The following ZNF860 variants were observed in gnomAD, a reference collection of about 807,000 sequenced individuals.
The protein encoded by ZNF860 is zinc finger protein 860.
For missense variants in ZNF860, 641 were observed against 759.2 expected, an observed-to-expected ratio of 0.84 and a Z score of 1.83; for synonymous variants, 206 against 248.9, an observed-to-expected ratio of 0.83 and a Z score of 1.62.
chr3:31,999,741 C>A, the ZNF860 span, among the ~76,000 whole-genome samples: 1 of 152,096 alleles, frequency 6.6e-6, no homozygotes, highest in African/African-American at 2.4e-5. Flanking sequence ...CTGCTATGCC[C>A]AGATGTCAGG....
At chr3:31,998,619 C>T in the ZNF860 span, among the ~76,000 whole-genome samples, 1 of 152,244 alleles carries the variant, frequency 6.6e-6, no homozygotes, top group Non-Finnish European at 1.5e-5. Flanking sequence ...TTGATGGTTA[C>T]ATACCAAATA....
chr3:31,982,720 T>G (rs1171086285), intron 1 of ZNF860, among the ~76,000 whole-genome samples: 3 of 152,172 alleles, frequency 2.0e-5, no homozygotes, highest in Non-Finnish European at 2.9e-5. Flanking sequence ...AATTCTAACC[T>G]ATGACCTTGA....
chr3:31,984,429 TAG>T (rs1698905168), intron 1 of ZNF860, among the ~76,000 whole-genome samples: 1 of 151,904 alleles, frequency 6.6e-6, no homozygotes, highest in Admixed American at 6.6e-5. Context: ...GATGAAATTA[TAG>T]AGAGTCGAAG....
At chr3:31,982,959 C>G (rs1485411274) in intron 1 of ZNF860, among the ~76,000 whole-genome samples, 1 of 152,170 alleles carries the variant, frequency 6.6e-6, no homozygotes, top group Non-Finnish European at 1.5e-5. Context: ...GCTTTAAGAG[C>G]AGTCATATGG....
chr3:31,993,974 C>A (rs2125525238), downstream of ZNF860, among the ~76,000 whole-genome samples: 1 of 152,220 alleles, frequency 6.6e-6, no homozygotes, highest in South Asian at 2.1e-4. Flanking sequence ...ACCCAAAGAT[C>A]CCTCAACTGG....
In ZNF860 at chr3:31,990,591, T is replaced by A; in HGVS notation, c.1512T>A (p.His504Gln). ...CCCTTGTAATTCATAAGGCAATTCA[T>A]ACTGGAGAGAAACCTTACAAGTGTA... ...NSALVIHKAI[H>Q]TGEKPYKCNE... Residue 504 changes from histidine (H) to glutamine (Q), a missense_variant, in exon 2 of 2, where the codon CAT (histidine) becomes CAA (glutamine). By Grantham distance (24) the His-to-Gln change is conservative. Transcript: ENST00000360311. 6.2e-7 allele frequency: 1 copy of A among 1,613,978 alleles called. No individual in the cohort carries two copies. Among genetic ancestry groups the A allele is most frequent in the Non-Finnish European group, 8.5e-7 (1 of 1,179,972 alleles).
Position 31,990,021 on chromosome 3 carries a change from C to G in ZNF860, c.942C>G (p.Tyr314Ter), listed in dbSNP as rs1175401582. 1 of 1,613,990 alleles carries G rather than the reference C, an allele frequency of 6.2e-7. No individual in the cohort carries two copies. Among genetic ancestry groups the G allele is most frequent in the African/African-American group, 1.3e-5 (1 of 74,914 alleles). The change falls in exon 2 of 2, where the codon TAC (tyrosine) becomes TAG (stop). Residue 314 changes from tyrosine (Y) to a stop codon, truncating the protein, a stop_gained. Transcript: ENST00000360311. LOFTEE classifies it low-confidence loss of function (END_TRUNC). ...GACTTCATACTGGAGAGAAACCTTA[C>G]AAATGTGAAGAATGTGACAAAGTTT... ...HHRLHTGEKP[Y>*]KCEECDKVFS...
At chr3:32,001,104 T>C in the ZNF860 span, among the ~76,000 whole-genome samples, 1 of 152,194 alleles carries the variant, frequency 6.6e-6, no homozygotes, top group African/African-American at 2.4e-5. Flanking sequence ...GGCGCTGTTG[T>C]CTGTCCACTC....
In ZNF860 at chr3:31,990,392, G is replaced by A. The variant is rs578237026; in HGVS notation, c.1313G>A (p.Arg438His). ...CNKCGKFFRRRSYLVVHWRTH... is the reference protein window; with the variant it reads ...CNKCGKFFRRHSYLVVHWRTH... ...AAATGTGGCAAATTTTTTAGACGTC[G>A]TTCATATCTCGTAGTTCATTGGCGA... is the stretch of plus-strand genomic sequence containing the variant. The change falls in exon 2 of 2, where the codon CGT (arginine) becomes CAT (histidine). Residue 438 changes from arginine to histidine, a missense_variant. By Grantham distance (29) the Arg-to-His change is conservative. Coordinates refer to ENST00000360311, the MANE Select transcript of ZNF860 (RefSeq NM_001137674.3). 1.8e-4 allele frequency: 285 copies of A among 1,613,340 alleles called. No homozygotes were observed. The highest frequency in any genetic ancestry group is 2.2e-4 in the Non-Finnish European group (264 of 1,179,702).
chr3:31,996,360 C>CG (rs1282827520), downstream of ZNF860, among the ~76,000 whole-genome samples: 1 of 152,024 alleles, frequency 6.6e-6, no homozygotes, highest in African/African-American at 2.4e-5. Flanking sequence ...AACTCTCCCC[C>CG]CCGTGCAAGG....
chr3:31,990,025 T>A lies in ZNF860; in HGVS notation c.946T>A (p.Cys316Ser). Residue 316 changes from cysteine (C) to serine (S), a missense_variant, in exon 2 of 2, where the codon TGT (cysteine) becomes AGT (serine). Cys to Ser is a moderately radical substitution (Grantham distance 112). Coordinates refer to ENST00000360311, the MANE Select transcript of ZNF860 (RefSeq NM_001137674.3). ...TCATACTGGAGAGAAACCTTACAAATGTGAAGAATGTGACAAAGTTTTTAG... is the reference window on the plus strand; with the variant it reads ...TCATACTGGAGAGAAACCTTACAAAAGTGAAGAATGTGACAAAGTTTTTAG... ...RLHTGEKPYK[C>S]EECDKVFSRK... 1.2e-6 allele frequency: 2 copies of A among 1,614,106 alleles called. No individual in the cohort carries two copies. Among genetic ancestry groups the A allele is most frequent in the Non-Finnish European group, 1.7e-6 (2 of 1,179,996 alleles).
downstream of ZNF860, among the ~76,000 whole-genome samples, chr3:31,994,611 T>C (rs903180351): frequency 1.2e-4 from 19 of 152,190 alleles, no homozygotes; most frequent in Non-Finnish European, 2.5e-4. Context: ...GGTGTGCAGA[T>C]GTCTTTTCTA....
chr3:31,993,258 G>A (rs1161758205), downstream of ZNF860, among the ~76,000 whole-genome samples: 1 of 150,642 alleles, frequency 6.6e-6, no homozygotes, highest in Non-Finnish European at 1.5e-5. Flanking sequence ...TGACCAGGCT[G>A]GAGTGCAATG....
At chr3:31,986,426 A>G (rs1304532554) in intron 1 of ZNF860, 1 of 152,164 alleles carries the variant, frequency 6.6e-6, no homozygotes, top group Non-Finnish European at 1.5e-5. Context: ...ACAGTCCACT[A>G]TCCAGTGAAT....
chr3:31,989,049 A>G lies in ZNF860; in HGVS notation c.-31A>G. 1 of 1,611,700 alleles carries G rather than the reference A, an allele frequency of 6.2e-7. No individual in the cohort carries two copies. The highest frequency in any genetic ancestry group is 8.5e-7 in the Non-Finnish European group (1 of 1,178,580). On this transcript the variant is annotated 5_prime_UTR_variant, in exon 2 of 2. Coordinates refer to ENST00000360311, the MANE Select transcript of ZNF860 (RefSeq NM_001137674.3). ...GAAGCAGATCGCCTCAGTGAAGGTCACACTGCAGCACTATTGATTTCTAAA... is the reference window on the plus strand; with the variant it reads ...GAAGCAGATCGCCTCAGTGAAGGTCGCACTGCAGCACTATTGATTTCTAAA...
intron 1 of ZNF860, among the ~76,000 whole-genome samples, chr3:31,983,798 T>C (rs1175731555): frequency 6.6e-6 from 1 of 152,144 alleles, no homozygotes; most frequent in Admixed American, 6.5e-5. Flanking sequence ...GAGGAAAAAG[T>C]CTTTATGTTT....
In ZNF860 at chr3:31,990,863, AGTGTGATGATT is replaced by A; in HGVS notation, c.1788_1798del (p.Cys596TrpfsTer12). Reference sequence around the variant, plus strand: ...ATTCATATGGGAGAGAAACATCACAAGTGTGATGATTGTGGCAAAGCCTTTACTTCACATTC... The same window carrying A: ...ATTCATATGGGAGAGAAACATCACAAGTGGCAAAGCCTTTACTTCACATTC... On this transcript the variant is annotated frameshift_variant, in exon 2 of 2. Transcript: ENST00000360311. LOFTEE classifies it low-confidence loss of function (END_TRUNC). 1 of 1,579,544 alleles carries A rather than the reference AGTGTGATGATT, an allele frequency of 6.3e-7. No individual in the cohort carries two copies. The highest frequency in any genetic ancestry group is 8.6e-7 in the Non-Finnish European group (1 of 1,161,444).
the ZNF860 span, among the ~76,000 whole-genome samples, chr3:32,003,049 G>A: frequency 3.9e-5 from 6 of 152,338 alleles, no homozygotes; most frequent in East Asian, 1.9e-4. Flanking sequence ...CTGGCCGAAC[G>A]AAAGTGGGAA....
intron 1 of ZNF860, among the ~76,000 whole-genome samples, chr3:31,984,150 G>C (rs748903289): frequency 2.0e-5 from 3 of 152,078 alleles, no homozygotes; most frequent in Non-Finnish European, 2.9e-5. Context: ...TCATTCTCCT[G>C]CCTCACAGCT....
Sources: gnomAD v4.1 joint callset for allele counts (sites outside exome capture counted in the v4.1 genomes callset) on GRCh38, gnomAD v4.1.1 for gene constraint, MANE v1.5 for transcripts, NCBI Gene and HGNC (gene_info 2026-07-23, HGNC 2026-07-21) for gene names.